XKR4: variants seen among roughly 807,000 people sequenced by gnomAD.
The protein encoded by XKR4 is XK related 4, also known as XK-related protein 4.
Under a neutral mutation model 53.9 loss-of-function variants are expected in XKR4, and 12 were observed. The observed-to-expected ratio is 0.22, with a 90% CI of 0.14 to 0.36. The LOEUF is 0.36. Ranked by LOEUF, XKR4 falls within the 10% of genes least tolerant of loss-of-function variation. The pLI is 1.00. For synonymous variants in XKR4, 354 were observed against 362.4 expected (o/e 0.98, Z 0.26); for missense variants, 799 against 859.5 (o/e 0.93, Z 0.88).
At chr8:55,189,321 G>A (rs1044896366) in intron 1 of XKR4, among the ~76,000 whole-genome samples, 1 of 152,122 alleles carries the variant, frequency 6.6e-6, no homozygotes, top group African/African-American at 2.4e-5. Context: ...AACTTCTTAA[G>A]AAACGTCTGC....
chr8:55,417,363 G>T (rs1804866185), intron 2 of XKR4, among the ~76,000 whole-genome samples: 1 of 152,150 alleles, frequency 6.6e-6, no homozygotes, highest in Non-Finnish European at 1.5e-5. Context: ...TCATAAATTG[G>T]TTAATTCGGT....
chr8:55,333,071 A>T (rs1230435878), intron 1 of XKR4, among the ~76,000 whole-genome samples: 3 of 151,920 alleles, frequency 2.0e-5, no homozygotes, highest in African/African-American at 2.4e-5. Flanking sequence ...TTCTCTTTTT[A>T]AAAATTTTAT....
At chr8:55,438,524 A>G (rs1370671073) in intron 2 of XKR4, among the ~76,000 whole-genome samples, 1 of 141,540 alleles carries the variant, frequency 7.1e-6, no homozygotes, top group African/African-American at 2.6e-5. Context: ...TGAGAGGTGG[A>G]GGTAGCAGTG....
intron 2 of XKR4, among the ~76,000 whole-genome samples, chr8:55,424,759 T>G (rs973469556): frequency 6.6e-6 from 1 of 152,204 alleles, no homozygotes; most frequent in African/African-American, 2.4e-5. Context: ...AAATAGGTAT[T>G]TGTTGATGAA....
chr8:55,311,070 C>G (rs1161243240), intron 1 of XKR4, among the ~76,000 whole-genome samples: 2 of 152,202 alleles, frequency 1.3e-5, no homozygotes, highest in Non-Finnish European at 2.9e-5. Flanking sequence ...GCCAGCTGAG[C>G]AAATTCCAGC....
chr8:55,196,845 T>C (rs1273133432), intron 1 of XKR4, among the ~76,000 whole-genome samples: 3 of 152,182 alleles, frequency 2.0e-5, no homozygotes, highest in African/African-American at 7.2e-5. Context: ...ACCCTCTTTT[T>C]GGTGCTCTCT....
chr8:55,315,267 G>T (rs1052097327), intron 1 of XKR4, among the ~76,000 whole-genome samples: 1 of 152,206 alleles, frequency 6.6e-6, no homozygotes, highest in Non-Finnish European at 1.5e-5. Context: ...AGTAAGCCAG[G>T]CACTAAATGT....
At chr8:55,445,070 TG>T (rs1805325238) in intron 2 of XKR4, among the ~76,000 whole-genome samples, 1 of 152,252 alleles carries the variant, frequency 6.6e-6, no homozygotes, top group Non-Finnish European at 1.5e-5. Flanking sequence ...TTTTTGTTTT[TG>T]TTTTGAAACA....
At chr8:55,110,209 T>C (rs1263203718) in intron 1 of XKR4, among the ~76,000 whole-genome samples, 1 of 152,152 alleles carries the variant, frequency 6.6e-6, no homozygotes, top group African/African-American at 2.4e-5. Flanking sequence ...TGTTGGAATT[T>C]AGGGAAAATT....
At chr8:55,437,631 G>A (rs1805195888) in intron 2 of XKR4, among the ~76,000 whole-genome samples, 1 of 152,202 alleles carries the variant, frequency 6.6e-6, no homozygotes, top group Admixed American at 6.5e-5. Flanking sequence ...TGCTCACTGT[G>A]TAAGCTGCAC....
chr8:55,473,662 A>C (rs1805926608), intron 2 of XKR4, among the ~76,000 whole-genome samples: 1 of 152,148 alleles, frequency 6.6e-6, no homozygotes, highest in South Asian at 2.1e-4. Context: ...GTTCTAAAAG[A>C]AACTTCAGAA....
intron 1 of XKR4, among the ~76,000 whole-genome samples, chr8:55,308,944 G>T (rs979435692): frequency 5.9e-5 from 9 of 152,220 alleles, no homozygotes; most frequent in African/African-American, 2.2e-4. Flanking sequence ...GGAAGCTGAA[G>T]AGAGGAGGTT....
At chr8:55,376,415 A>G (rs1585545547) in intron 2 of XKR4, among the ~76,000 whole-genome samples, 1 of 152,194 alleles carries the variant, frequency 6.6e-6, no homozygotes, top group East Asian at 1.9e-4. Context: ...TTTAATCATC[A>G]TCATTCTGAT....
chr8:55,231,124 C>T lies in XKR4; in HGVS notation c.807-126554C>T, dbSNP rs140038889. ...AAGTCTGTATTCAAATTGATTGATT[C>T]GTTTATCTAATTAAAGGTGGTATCT... On this transcript the variant is annotated intron_variant, in intron 1 of 2. Coordinates refer to ENST00000327381, the MANE Select transcript of XKR4 (RefSeq NM_052898.2). Among the ~76,000 whole-genome samples, 128 of 152,214 alleles carry T rather than the reference C, an allele frequency of 8.4e-4. 2 individuals are homozygous for T. Among genetic ancestry groups the T allele is most frequent in the African/African-American group, 2.0e-3 (82 of 41,534 alleles).
intron 1 of XKR4, among the ~76,000 whole-genome samples, chr8:55,342,010 A>G (rs1003273118): frequency 5.9e-5 from 9 of 152,062 alleles, no homozygotes; most frequent in Non-Finnish European, 1.2e-4. Flanking sequence ...ATTCCAATGC[A>G]TGCATCCAAC....
chr8:55,495,584 C>T (rs965413684), intron 2 of XKR4, among the ~76,000 whole-genome samples: 1 of 152,192 alleles, frequency 6.6e-6, no homozygotes, highest in East Asian at 1.9e-4. Flanking sequence ...CTCCAGGGGG[C>T]CTCCCAGGGG....
chr8:55,422,958 C>T, intron 2 of XKR4, among the ~76,000 whole-genome samples: 1 of 152,156 alleles, frequency 6.6e-6, no homozygotes. Context: ...CTCTATGGAA[C>T]TGGCAGGTAA....
intron 1 of XKR4, among the ~76,000 whole-genome samples, chr8:55,231,948 C>T (rs982358445): frequency 6.6e-6 from 1 of 152,170 alleles, no homozygotes; most frequent in Non-Finnish European, 1.5e-5. Flanking sequence ...CACCTGAGGG[C>T]CAATTATCAT....
chr8:55,182,247 G>A (rs1817320303), intron 1 of XKR4, among the ~76,000 whole-genome samples: 1 of 152,028 alleles, frequency 6.6e-6, no homozygotes, highest in Admixed American at 6.5e-5. Flanking sequence ...TTTCACAGAG[G>A]AAAAGTTTTA....
Sources: allele counts gnomAD v4.1 joint callset (sites outside exome capture counted in the v4.1 genomes callset), GRCh38; gene constraint gnomAD v4.1.1; transcripts MANE v1.5; gene names NCBI Gene and HGNC (gene_info 2026-07-23, HGNC 2026-07-21).